DAB2IP: variants seen among roughly 807,000 people sequenced by gnomAD.
DAB2IP encodes the protein DAB2 interacting protein.
Under a neutral mutation model 107.2 loss-of-function variants are expected in DAB2IP, and 28 were observed. The ratio of observed to expected loss-of-function variants is 0.26; its 90% confidence interval spans 0.19 to 0.36. The LOEUF is 0.36. DAB2IP is among the 10% of genes least tolerant of loss of function. The pLI, the probability that DAB2IP is intolerant of heterozygous loss-of-function variation, is 1.00. For synonymous variants in DAB2IP, 755 were observed against 706.4 expected (o/e 1.07, Z -1.09); for missense variants, 1,400 against 1,644.7 (o/e 0.85, Z 2.57).
chr9:121,717,121 T>C (rs1261522917), intron 3 of DAB2IP, among the ~76,000 whole-genome samples: 1 of 152,208 alleles, frequency 6.6e-6, no homozygotes, highest in Non-Finnish European at 1.5e-5. Flanking sequence ...GAAGCACTTT[T>C]CACCATAGAT....
chr9:121,751,100 T>C, intron 3 of DAB2IP: 1 of 222,642 alleles, frequency 4.5e-6, no homozygotes, highest in Non-Finnish European at 9.0e-6. Context: ...CCGGCTGCTG[T>C]GGACCTTTCC....
intron 3 of DAB2IP, among the ~76,000 whole-genome samples, chr9:121,724,736 A>G (rs1190840014): frequency 6.6e-6 from 1 of 152,206 alleles, no homozygotes; most frequent in Non-Finnish European, 1.5e-5. Context: ...TGACTAGCCC[A>G]ATGTCATACA....
intron 3 of DAB2IP, among the ~76,000 whole-genome samples, chr9:121,727,960 T>G (rs1173545352): frequency 6.6e-6 from 1 of 152,204 alleles, no homozygotes; most frequent in Non-Finnish European, 1.5e-5. Flanking sequence ...AGCTGCTCAG[T>G]GTTGTCTTTT....
chr9:121,734,370 C>T (rs551970582), intron 3 of DAB2IP, among the ~76,000 whole-genome samples: 13 of 144,086 alleles, frequency 9.0e-5, no homozygotes, highest in African/African-American at 2.6e-4. Flanking sequence ...GGCAACAGAG[C>T]GAGACTCCGT....
At position 121,760,581 on chromosome 9, in the gene DAB2IP, G is replaced by A; in HGVS notation, c.1170+142G>A. ...CCAGAAGGGCTCCCTAAACCCAAAAGTTCTATCGTGGGCTGGGGGTTTTGT... is the reference window on the plus strand; with the variant it reads ...CCAGAAGGGCTCCCTAAACCCAAAAATTCTATCGTGGGCTGGGGGTTTTGT... On this transcript the variant is annotated intron_variant, in intron 6 of 15. Coordinates refer to ENST00000408936, the Ensembl canonical transcript of DAB2IP. The surrounding 1 kb of genome is among the most constrained non-coding windows in gnomAD (Gnocchi z 5.9). The A allele has an allele frequency of 9.6e-7, 1 of 1,041,506 alleles. No homozygotes were observed. The highest frequency in any genetic ancestry group is 1.3e-6 in the Non-Finnish European group (1 of 742,116). The allele number at this position is 1,041,506 out of a possible 1,614,324, so 64.5% of individuals were successfully genotyped here.
chr9:121,764,222 C>T (rs1834105205), intron 8 of DAB2IP, among the ~76,000 whole-genome samples: 1 of 152,222 alleles, frequency 6.6e-6, no homozygotes, highest in Admixed American at 6.5e-5. Flanking sequence ...TCACCTGAGG[C>T]TCCTCACCTG....
intron 1 of DAB2IP, among the ~76,000 whole-genome samples, chr9:121,632,998 A>G (rs1831950141): frequency 6.6e-6 from 1 of 152,216 alleles, no homozygotes; most frequent in African/African-American, 2.4e-5. Flanking sequence ...AACCCTGCTC[A>G]GCTTCCCTCT....
chr9:121,568,334 A>G (rs1453332069), intron 1 of DAB2IP, among the ~76,000 whole-genome samples: 2 of 152,144 alleles, frequency 1.3e-5, no homozygotes, highest in Non-Finnish European at 2.9e-5. Flanking sequence ...CCCAGCCCAC[A>G]GACCTGGCAT....
chr9:121,585,707 T>C (rs1258975664), intron 1 of DAB2IP, among the ~76,000 whole-genome samples: 1 of 151,870 alleles, frequency 6.6e-6, no homozygotes, highest in Admixed American at 6.6e-5. Flanking sequence ...ATACAAAAAT[T>C]AGCCAGACAT....
Position 121,757,459 on chromosome 9 carries a change from C to T in DAB2IP, c.516+293C>T, listed in dbSNP as rs114450014. Among the ~76,000 whole-genome samples, 1,373 of 152,280 alleles carry T rather than the reference C, an allele frequency of 9.0e-3. 24 individuals carry two copies. The highest frequency in any genetic ancestry group is 0.031 in the African/African-American group (1,291 of 41,550). On this transcript the variant is annotated intron_variant, in intron 4 of 15. Transcript: ENST00000408936. Reference sequence around the variant, plus strand: ...TGGATGACAGTGAGTAGGGGAAAAGCCTGAATTTCTTAAGCACCAGAGCCC... The same window carrying T: ...TGGATGACAGTGAGTAGGGGAAAAGTCTGAATTTCTTAAGCACCAGAGCCC...
intron 1 of DAB2IP, among the ~76,000 whole-genome samples, chr9:121,614,839 T>C (rs1408561306): frequency 6.6e-6 from 1 of 151,920 alleles, no homozygotes; most frequent in African/African-American, 2.4e-5. Flanking sequence ...GTTCAAGCGA[T>C]TCTCCTGCCT....
intron 1 of DAB2IP, among the ~76,000 whole-genome samples, chr9:121,589,049 C>A (rs1830369398): frequency 6.6e-6 from 1 of 152,144 alleles, no homozygotes; most frequent in Admixed American, 6.5e-5. Context: ...CCTTCCTGTC[C>A]TCCCTTCCCT....
chr9:121,579,373 G>T (rs1263276714), intron 1 of DAB2IP, among the ~76,000 whole-genome samples: 1 of 151,732 alleles, frequency 6.6e-6, no homozygotes, highest in Non-Finnish European at 1.5e-5. Flanking sequence ...GTTTCCTCTC[G>T]CCTGTCTCTT....
intron 1 of DAB2IP, among the ~76,000 whole-genome samples, chr9:121,583,287 A>G (rs993184021): frequency 6.6e-6 from 1 of 152,190 alleles, no homozygotes; most frequent in Non-Finnish European, 1.5e-5. Flanking sequence ...GCAACTTGGG[A>G]GGCTGAGGCA....
intron 1 of DAB2IP, among the ~76,000 whole-genome samples, chr9:121,677,929 T>C (rs2119134057): frequency 6.6e-6 from 1 of 152,282 alleles, no homozygotes; most frequent in East Asian, 1.9e-4. Flanking sequence ...TCCAAAGTGC[T>C]GGGATCACAG....
At chr9:121,696,138 G>T (rs1271848889) in intron 2 of DAB2IP, among the ~76,000 whole-genome samples, 1 of 152,158 alleles carries the variant, frequency 6.6e-6, no homozygotes, top group Non-Finnish European at 1.5e-5. Flanking sequence ...CAAAGTGCTG[G>T]GATTACAGGC....
intron 1 of DAB2IP, among the ~76,000 whole-genome samples, chr9:121,569,138 C>T (rs1389294813): frequency 6.6e-6 from 1 of 152,246 alleles, no homozygotes; most frequent in African/African-American, 2.4e-5. Flanking sequence ...CCCAGCCAGC[C>T]TCAGGGGTCC....
intron 1 of DAB2IP, among the ~76,000 whole-genome samples, chr9:121,664,791 C>G (rs1347789428): frequency 6.6e-6 from 1 of 152,184 alleles, no homozygotes; most frequent in African/African-American, 2.4e-5. Flanking sequence ...TATATCAGTT[C>G]CCCTTCCCGC....
At chr9:121,770,615 G>C in exon 11 of DAB2IP, 2 of 1,614,138 alleles carry the variant, frequency 1.2e-6, no homozygotes, top group Non-Finnish European at 1.7e-6. Flanking sequence ...GAGCACCCCA[G>C]GTAGCGGGCA....
Sources: gnomAD v4.1 joint callset for allele counts (sites outside exome capture counted in the v4.1 genomes callset) on GRCh38, gnomAD v4.1.1 for gene constraint, Gnocchi (gnomAD v3.1) non-coding constraint, MANE v1.5 for transcripts, NCBI Gene and HGNC (gene_info 2026-07-23, HGNC 2026-07-21) for gene names.